The following LSG1 variants were observed in gnomAD, a reference collection of about 807,000 sequenced individuals.
LSG1 encodes large 60S subunit nuclear export GTPase 1.
LSG1 carries 55 observed loss-of-function variants against 82.6 expected under a neutral mutation model. That is an observed-to-expected ratio of 0.67 (90% confidence interval 0.54 to 0.83). The LOEUF (loss-of-function observed/expected upper bound fraction) is 0.83, where lower values mean the gene tolerates loss of function less well. LSG1 is among the 40% of genes least tolerant of loss of function. The pLI, the probability that LSG1 is intolerant of heterozygous loss-of-function variation, is 0.00. For missense variants in LSG1, 809 were observed against 807.9 expected (o/e 1.00, Z -0.02); for synonymous variants, 272 against 282.5 (o/e 0.96, Z 0.37).
chr3:194,654,738 G>A (rs956615837), intron 7 of LSG1, among the ~76,000 whole-genome samples: 4 of 152,056 alleles, frequency 2.6e-5, no homozygotes, highest in African/African-American at 7.2e-5. Context: ...TTCAGGAAAA[G>A]TACTAAAGAC....
At position 194,663,372 on chromosome 3, in the gene LSG1, G is replaced by A. The variant is rs114979531; in HGVS notation, c.521+2185C>T. Among the ~76,000 whole-genome samples the A allele has an allele frequency of 2.2e-3, 329 of 148,138 alleles. 4 individuals carry two copies. Among genetic ancestry groups the A allele is most frequent in the African/African-American group, 8.0e-3 (316 of 39,600 alleles). ...CAGCAGAAACCCTTTCCCTTCTTCCGCCTCAGAGAAAGCCTTTCCCTTCTT... is the reference window on the plus strand; with the variant it reads ...CAGCAGAAACCCTTTCCCTTCTTCCACCTCAGAGAAAGCCTTTCCCTTCTT... On this transcript the variant is annotated intron_variant, in intron 5 of 13. Transcript: ENST00000265245.
In LSG1 at chr3:194,653,144, T is replaced by G; in HGVS notation, c.760-2A>C. The G allele has an allele frequency of 6.2e-7, 1 of 1,611,252 alleles. No individual in the cohort carries two copies. The highest frequency in any genetic ancestry group is 8.5e-7 in the Non-Finnish European group (1 of 1,178,298). On this transcript the variant is annotated splice_acceptor_variant, in intron 7 of 13. Coordinates refer to ENST00000265245, the MANE Select transcript of LSG1 (RefSeq NM_018385.3). LOFTEE classifies it high-confidence loss of function. Reference sequence around the variant, plus strand: ...TCTATCATCTCTGTTTGCCTCTTCCTGACAAAATAATAGAAACGCTCAGAA... The same window carrying G: ...TCTATCATCTCTGTTTGCCTCTTCCGGACAAAATAATAGAAACGCTCAGAA...
intron 13 of LSG1, among the ~76,000 whole-genome samples, 186 bp downstream of exon 13, chr3:194,644,378 AAATAAAAAT>A (rs1244522693): frequency 1.3e-5 from 1 of 77,840 alleles, no homozygotes; most frequent in Non-Finnish European, 2.8e-5. Context: ...CAAAAAAAAA[AAATAAAAAT>A]AAATAAATAA....
rs1349734879 is a variant in LSG1 at position 194,670,117 on chromosome 3, T to C, written c.118A>G (p.Asn40Asp). 2 of 1,603,794 alleles carry C rather than the reference T, an allele frequency of 1.2e-6. No homozygotes were observed. The highest frequency in any genetic ancestry group is 1.7e-5 in the Admixed American group (1 of 58,540). ...AGACGACCCCAATCATAGCCATCAT[T>C]GAGTTCACTTGTGTGCAACTATGAA... ...TDSWLHTSEL[N>D]DGYDWGRLNL... The change falls in exon 2 of 14, where the codon AAT becomes GAT. Residue 40 changes from asparagine (N) to aspartate (D), a missense_variant. Physicochemically the swap from Asn to Asp is conservative, Grantham distance 23. Transcript: ENST00000265245.
chr3:194,643,431 A>C lies in LSG1; in HGVS notation c.1797+1142T>G, dbSNP rs532239973. Among the ~76,000 whole-genome samples, 5 of 152,360 alleles carry C rather than the reference A, an allele frequency of 3.3e-5. No individual in the cohort carries two copies. The South Asian group carries it at 8.3e-4, about 25-fold the overall frequency. ...TCTCTAAAGAAAATATACATGTGCC[A>C]ACGAGCACATAAAATGACGCTCAGC... On this transcript the variant is annotated intron_variant, in intron 13 of 13. Coordinates refer to ENST00000265245, the MANE Select transcript of LSG1 (RefSeq NM_018385.3).
intron 8 of LSG1, among the ~76,000 whole-genome samples, chr3:194,652,207 C>T (rs550993559): frequency 2.0e-5 from 3 of 152,344 alleles, no homozygotes; most frequent in South Asian, 2.1e-4. Flanking sequence ...TGCGCACTTC[C>T]GCAGCCACTT....
chr3:194,645,593 C>CACACACACACAGACAGACAG (rs1718532174), intron 12 of LSG1, among the ~76,000 whole-genome samples: 1 of 100,120 alleles, frequency 1.0e-5, no homozygotes, highest in African/African-American at 4.3e-5. Flanking sequence ...CACACACACA[C>CACACACACACAGACAGACAG]ACACACACAC....
chr3:194,645,997 G>A (rs1202659667), intron 12 of LSG1, among the ~76,000 whole-genome samples, 167 bp downstream of exon 12: 1 of 152,176 alleles, frequency 6.6e-6, no homozygotes, highest in African/African-American at 2.4e-5. Flanking sequence ...TCCATCTTTT[G>A]TAATGTCTAT....
Position 194,640,945 on chromosome 3 carries a change from G to A in LSG1, c.*1123C>T, listed in dbSNP as rs1718359698. 6.6e-6 allele frequency: 1 copy of A among 152,518 alleles called. No individual in the cohort carries two copies. The highest frequency in any genetic ancestry group is 1.5e-5 in the Non-Finnish European group (1 of 68,344). 9.4% of individuals were successfully genotyped at this position (152,518 alleles called of 1,614,324 possible). A position where few individuals can be genotyped will look rare whatever the true frequency, so the allele number is the denominator to read the frequency against. Reference sequence around the variant, plus strand: ...TCTTATATGGCCAGAGCAGGAGGGAGACAGAGGGGAGGCACCACACACTTT... The same window carrying A: ...TCTTATATGGCCAGAGCAGGAGGGAAACAGAGGGGAGGCACCACACACTTT... On this transcript the variant is annotated 3_prime_UTR_variant, in exon 14 of 14. Coordinates refer to ENST00000265245, the MANE Select transcript of LSG1 (RefSeq NM_018385.3).
In LSG1 at chr3:194,646,514, T is replaced by G. The variant is rs1224643075; in HGVS notation, c.1544-271A>C. On this transcript the variant is annotated intron_variant, in intron 11 of 13. Transcript: ENST00000265245. ...CTACTCCAGTTATTTCTTCTCTTTA[T>G]TTTATTTTTATTTTATTTTTTGTTG... 1.1e-4 allele frequency: 30 copies of G among 264,386 alleles called. No homozygotes were observed. The East Asian group carries it at 2.3e-3, about 21-fold the overall frequency. The allele number at this position is 264,386 out of a possible 1,614,324, so 16.4% of individuals were successfully genotyped here.
chr3:194,666,082 G>C (rs1323114296), intron 4 of LSG1, 121 bp downstream of exon 4: 1 of 843,646 alleles, frequency 1.2e-6, no homozygotes, highest in Non-Finnish European at 1.9e-6. Flanking sequence ...CTTGTTAGCA[G>C]AATGCTACCA....
intron 10 of LSG1, among the ~76,000 whole-genome samples, chr3:194,649,290 G>GTT (rs1560221527): frequency 6.6e-6 from 1 of 152,098 alleles, no homozygotes; most frequent in East Asian, 1.9e-4. Flanking sequence ...CTGATGCTTC[G>GTT]TAAAGGGCAG....
chr3:194,655,565 TG>T (rs1285290284), intron 7 of LSG1, among the ~76,000 whole-genome samples: 1 of 152,166 alleles, frequency 6.6e-6, no homozygotes, highest in Non-Finnish European at 1.5e-5. Flanking sequence ...TTTAGAATAG[TG>T]GTGTCTGGTA....
chr3:194,671,555 T>C (rs150798281), intron 1 of LSG1, among the ~76,000 whole-genome samples: 1 of 152,306 alleles, frequency 6.6e-6, no homozygotes, highest in African/African-American at 2.4e-5. Context: ...GATCCTTCTA[T>C]AACCTAGTAA....
chr3:194,644,370 AAAAAAAAAAAT>A (rs1718465884), intron 13 of LSG1, among the ~76,000 whole-genome samples, 192 bp downstream of exon 13: 1 of 106,594 alleles, frequency 9.4e-6, no homozygotes, highest in African/African-American at 3.4e-5. Flanking sequence ...CTCCGTCTCA[AAAAAAAAAAAT>A]AAAAATAAAT....
At position 194,665,613 on chromosome 3, in the gene LSG1, A is replaced by G; in HGVS notation, c.465T>C (p.Thr155=). Reference sequence around the variant, plus strand: ...AAAAGTCCAAATTTCGTTCAAATGGAGTCAATATCAGCTTCTGTTCCTCTT... The same window carrying G: ...AAAAGTCCAAATTTCGTTCAAATGGGGTCAATATCAGCTTCTGTTCCTCTT... The part of the protein sequence containing the change: ...RLEEEQKLIL[T]PFERNLDFWR... The change falls in exon 5 of 14, where the codon ACT becomes ACC. Residue 155 remains threonine, a synonymous_variant. Coordinates refer to ENST00000265245, the MANE Select transcript of LSG1 (RefSeq NM_018385.3). The G allele has an allele frequency of 1.2e-6, 2 of 1,613,226 alleles. No homozygotes were observed. The highest frequency in any genetic ancestry group is 1.7e-6 in the Non-Finnish European group (2 of 1,179,574).
At chr3:194,645,511 C>CACACACACACACACAGACAG (rs1560219502) in intron 12 of LSG1, 35 of 43,218 alleles carry the variant, frequency 8.1e-4, no homozygotes, top group Non-Finnish European at 1.2e-3. Flanking sequence ...CACACACACA[C>CACACACACACACACAGACAG]ACACACACAC....
At chr3:194,651,989 G>A (rs1200242860) in intron 8 of LSG1, among the ~76,000 whole-genome samples, 3 of 152,156 alleles carry the variant, frequency 2.0e-5, no homozygotes, top group Admixed American at 6.5e-5. Flanking sequence ...AGGGGGTTGG[G>A]GCAGAGAGAA....
At chr3:194,648,844 T>C (rs180865893) in intron 10 of LSG1, 40 bp from the exon 11 acceptor site, 1 of 1,611,442 alleles carries the variant, frequency 6.2e-7, no homozygotes, top group East Asian at 2.2e-5. Context: ...ACGGACTCCC[T>C]CCTCCCCATG....
Sources: gnomAD v4.1 joint callset for allele counts (sites outside exome capture counted in the v4.1 genomes callset) on GRCh38, gnomAD v4.1.1 for gene constraint, MANE v1.5 for transcripts, NCBI Gene and HGNC (gene_info 2026-07-23, HGNC 2026-07-21) for gene names.